The following TPCN1 variants were observed in gnomAD, a reference collection of about 807,000 sequenced individuals.
TPCN1 encodes two pore segment channel 1, also known as two pore channel protein 1.
A neutral mutation model predicts 108.8 loss-of-function variants in TPCN1; 52 were observed. The ratio of observed to expected loss-of-function variants is 0.48; its 90% CI spans 0.38 to 0.60. TPCN1 has a LOEUF of 0.60. Ranked by LOEUF, TPCN1 falls within the 20% of genes least tolerant of loss-of-function variation. The pLI, the probability that TPCN1 is intolerant of heterozygous loss-of-function variation, is 0.00. For missense variants in TPCN1, 806 were observed against 1,072.8 expected, an observed-to-expected ratio of 0.75 and a Z score of 3.47; for synonymous variants, 446 against 433.7, an observed-to-expected ratio of 1.03 and a Z score of -0.35.
chr12:113,237,662 C>A (rs1167767701), intron 2 of TPCN1, among the ~76,000 whole-genome samples: 1 of 152,160 alleles, frequency 6.6e-6, no homozygotes, highest in Non-Finnish European at 1.5e-5. Context: ...CCTGGCCAGT[C>A]CCTACTTCTT....
chr12:113,287,999 C>T (rs1956140841), intron 19 of TPCN1, among the ~76,000 whole-genome samples, 164 bp from the exon 20 acceptor site: 1 of 152,212 alleles, frequency 6.6e-6, no homozygotes, highest in Admixed American at 6.5e-5. Context: ...ATCACCTGAG[C>T]CCAGCTCAGG....
In TPCN1 at chr12:113,241,761, C is replaced by CGTGTGTGTGT. The variant is rs67580212; in HGVS notation, c.112+14821_112+14830dup. Among the ~76,000 whole-genome samples, 1,296 of 144,456 alleles carry CGTGTGTGTGT rather than the reference C, an allele frequency of 9.0e-3. 11 individuals carry two copies. The highest frequency in any genetic ancestry group is 0.028 in the African/African-American group (1,095 of 39,286). 94.8% of individuals were successfully genotyped at this position (144,456 alleles called of 152,430 possible). A position where few individuals can be genotyped will look rare whatever the true frequency, so the allele number is the denominator to read the frequency against. ...AAACAGTGGCGTTTGCGTGCCTCTG[C>CGTGTGTGTGT]GTGTGTGTGTGTGTGTGTGTGTGTG... On this transcript the variant is annotated intron_variant, in intron 2 of 27. Coordinates refer to ENST00000335509, the MANE Select transcript of TPCN1 (RefSeq NM_017901.6).
intron 15 of TPCN1, among the ~76,000 whole-genome samples, chr12:113,281,729 G>A (rs1030023482): frequency 2.0e-5 from 3 of 151,910 alleles, no homozygotes; most frequent in African/African-American, 7.3e-5. Context: ...TGTAGAGACG[G>A]GGTAGCCTCA....
At chr12:113,250,942 G>C (rs1197188210) in intron 2 of TPCN1, among the ~76,000 whole-genome samples, 1 of 151,314 alleles carries the variant, frequency 6.6e-6, no homozygotes. Flanking sequence ...CTCCAGCCTG[G>C]GCGACAGAGC....
At chr12:113,227,866 T>G (rs1953531703) in intron 2 of TPCN1, among the ~76,000 whole-genome samples, 1 of 152,128 alleles carries the variant, frequency 6.6e-6, no homozygotes, top group Admixed American at 6.6e-5. Flanking sequence ...TGGCCTCCCC[T>G]GGGAACTGAT....
intron 27 of TPCN1, among the ~76,000 whole-genome samples, chr12:113,295,641 C>CG (rs1191839022): frequency 2.0e-5 from 3 of 151,962 alleles, no homozygotes; most frequent in Admixed American, 2.0e-4. Context: ...AGGGGTCACT[C>CG]GGGGGGCCCT....
chr12:113,274,772 A>G (rs1207122472), intron 10 of TPCN1, among the ~76,000 whole-genome samples: 2 of 152,220 alleles, frequency 1.3e-5, no homozygotes, highest in Non-Finnish European at 2.9e-5. Flanking sequence ...TGAGGGTCAG[A>G]GTGACAGTGT....
intron 2 of TPCN1, among the ~76,000 whole-genome samples, chr12:113,237,296 C>G (rs1265655608): frequency 6.6e-6 from 1 of 151,840 alleles, no homozygotes; most frequent in Non-Finnish European, 1.5e-5. Context: ...TGTCTGTCTC[C>G]CTGACCAGTC....
At chr12:113,258,850 C>G (rs1479261207) in intron 2 of TPCN1, among the ~76,000 whole-genome samples, 2 of 152,186 alleles carry the variant, frequency 1.3e-5, no homozygotes, top group Admixed American at 6.5e-5. Context: ...ACTGGCAATT[C>G]AAGATCAGAA....
chr12:113,269,618 T>C lies in TPCN1; in HGVS notation c.660-139T>C. The C allele has an allele frequency of 1.4e-6, 1 of 725,102 alleles. No homozygotes were observed. Among genetic ancestry groups the C allele is most frequent in the South Asian group, 1.8e-5 (1 of 56,036 alleles). 44.9% of individuals were successfully genotyped at this position (725,102 alleles called of 1,614,324 possible). A position where few individuals can be genotyped will look rare whatever the true frequency, so the allele number is the denominator to read the frequency against. ...GGTCTCAAGCCACTTTAGGAAAAAA[T>C]GAAGCATGATGTCACACCAGAGTGC... On this transcript the variant is annotated intron_variant, in intron 6 of 27. Transcript: ENST00000335509. The surrounding 1 kb of genome is among the most constrained non-coding windows in gnomAD (Gnocchi z 5.0).
At chr12:113,234,121 A>G (rs990297378) in intron 2 of TPCN1, among the ~76,000 whole-genome samples, 1 of 152,122 alleles carries the variant, frequency 6.6e-6, no homozygotes, top group African/African-American at 2.4e-5. Flanking sequence ...ATGGCGTTTC[A>G]TGGTGAAGCT....
intron 7 of TPCN1, among the ~76,000 whole-genome samples, chr12:113,270,587 T>G (rs1282432431): frequency 2.0e-5 from 3 of 152,060 alleles, no homozygotes; most frequent in Non-Finnish European, 4.4e-5. Flanking sequence ...TTCAAGTGAT[T>G]CTCCTGCCTC....
rs148591081 is a variant in TPCN1 at position 113,246,163 on chromosome 12, A to G, written c.113-14205A>G. 961 of 400,776 alleles carry G rather than the reference A, an allele frequency of 2.4e-3. 10 individuals are homozygous for G. Among genetic ancestry groups the G allele is most frequent in the South Asian group, 5.3e-3 (294 of 55,586 alleles). 24.8% of individuals were successfully genotyped at this position (400,776 alleles called of 1,614,324 possible). On this transcript the variant is annotated intron_variant, in intron 2 of 27. Transcript: ENST00000335509. ...TTTGTATTCTCATGCCTGTCAGTTC[A>G]GCTGTTTCTTTCCACTCCTTCCCGT...
intron 10 of TPCN1, 122 bp from the exon 11 acceptor site, chr12:113,276,797 C>G: frequency 1.4e-6 from 1 of 719,640 alleles, no homozygotes; most frequent in East Asian, 2.5e-5. Flanking sequence ...GAGGGTCTCC[C>G]CAGGGCCTCT....
chr12:113,259,433 C>T (rs1224108054), intron 2 of TPCN1, among the ~76,000 whole-genome samples: 2 of 152,156 alleles, frequency 1.3e-5, no homozygotes, highest in African/African-American at 4.8e-5. Context: ...TTGTGACAAA[C>T]CCAACTCAGA....
intron 21 of TPCN1, 28 bp from the exon 22 acceptor site, chr12:113,290,100 C>T (rs1593210693): frequency 6.9e-7 from 1 of 1,451,754 alleles, no homozygotes; most frequent in Non-Finnish European, 9.5e-7. Flanking sequence ...TGTGACCCTC[C>T]CTCCTTTCTC....
chr12:113,238,623 A>G (rs1471975103), intron 2 of TPCN1, among the ~76,000 whole-genome samples: 3 of 152,198 alleles, frequency 2.0e-5, no homozygotes, highest in Non-Finnish European at 4.4e-5. Context: ...GAAGGCCTTG[A>G]GAGCCTTCCC....
chr12:113,291,090 T>A, intron 23 of TPCN1, 92 bp downstream of exon 23: 4 of 1,221,396 alleles, frequency 3.3e-6, no homozygotes, highest in Non-Finnish European at 4.8e-6. Context: ...ATTCTTCCCG[T>A]AGCTTGCAGG....
intron 2 of TPCN1, among the ~76,000 whole-genome samples, chr12:113,245,460 G>A (rs1954326965): frequency 2.0e-5 from 3 of 146,874 alleles, no homozygotes; most frequent in African/African-American, 7.7e-5. Context: ...AATTAGCCGG[G>A]CGTGGTAGCG....
Sources: allele counts gnomAD v4.1 joint callset (sites outside exome capture counted in the v4.1 genomes callset), GRCh38; gene constraint gnomAD v4.1.1; non-coding constraint Gnocchi (gnomAD v3.1); transcripts MANE v1.5; gene names NCBI Gene and HGNC (gene_info 2026-07-23, HGNC 2026-07-21).